LMTK2: variants seen among roughly 807,000 people sequenced by gnomAD.
LMTK2 encodes the protein lemur tail kinase 2, also known as serine/threonine-protein kinase LMTK2.
Under a neutral mutation model 127.5 loss-of-function variants are expected in LMTK2, and 37 were observed. That is an observed-to-expected ratio of 0.29 (90% CI 0.22 to 0.38). The LOEUF (loss-of-function observed/expected upper bound fraction) is 0.38, where lower values mean the gene tolerates loss of function less well. Ranked by LOEUF, LMTK2 falls within the 10% of genes least tolerant of loss-of-function variation. LMTK2 has a pLI of 1.00. For missense variants in LMTK2, 1,694 were observed against 1,920.3 expected (o/e 0.88, Z 2.20); for synonymous variants, 819 against 810.1 (o/e 1.01, Z -0.19).
intron 1 of LMTK2, among the ~76,000 whole-genome samples, chr7:98,120,457 A>T (rs553274754): frequency 6.6e-6 from 1 of 152,344 alleles, no homozygotes; most frequent in East Asian, 1.9e-4. Flanking sequence ...CATTTTGCAC[A>T]TTTAAAATAT....
rs1012335891 is a variant in LMTK2 at position 98,199,365 on chromosome 7, G to T, written c.4108-4209G>T. Among the ~76,000 whole-genome samples the T allele has an allele frequency of 3.3e-5, 5 of 152,112 alleles. No homozygotes were observed. In the South Asian group the frequency reaches 1.0e-3, roughly 32 times the overall value. Reference sequence around the variant, plus strand: ...TCTCTTTTCATTTCTGTTTATTTTCGCTTCCTGTATTTTGCAGCTCTGTTG... The same window carrying T: ...TCTCTTTTCATTTCTGTTTATTTTCTCTTCCTGTATTTTGCAGCTCTGTTG... On this transcript the variant is annotated intron_variant, in intron 11 of 13. Transcript: ENST00000297293.
chr7:98,108,043 A>G (rs1796142305), intron 1 of LMTK2, among the ~76,000 whole-genome samples: 1 of 152,178 alleles, frequency 6.6e-6, no homozygotes, highest in African/African-American at 2.4e-5. Flanking sequence ...CTAAAAAGGA[A>G]AAAAAAATCT....
chr7:98,171,455 CAGTT>C lies in LMTK2; in HGVS notation c.658-82_658-79del. The C allele has an allele frequency of 6.5e-7, 1 of 1,526,824 alleles. No homozygotes were observed. The highest frequency in any genetic ancestry group is 1.1e-5 in the South Asian group (1 of 89,296). The allele number at this position is 1,526,824 out of a possible 1,614,324, so 94.6% of individuals were successfully genotyped here. On this transcript the variant is annotated intron_variant, in intron 6 of 13. Coordinates refer to ENST00000297293, the MANE Select transcript of LMTK2 (RefSeq NM_014916.4). The surrounding 1 kb of genome is among the most constrained non-coding windows in gnomAD (Gnocchi z 5.1). ...AGAAGTTTCTAATAAATAATCTTAA[CAGTT>C]AGTGTTCACCGAGGCACGTATTTAA...
intron 6 of LMTK2, among the ~76,000 whole-genome samples, chr7:98,170,574 C>T (rs1487966368): frequency 3.3e-5 from 5 of 151,658 alleles, no homozygotes; most frequent in South Asian, 2.1e-4. Flanking sequence ...CGCCTCCAGC[C>T]GTCTTTTCTT....
At chr7:98,139,909 G>C (rs115125485) in intron 2 of LMTK2, among the ~76,000 whole-genome samples, 2,166 of 152,150 alleles carry the variant, frequency 0.014, 51 homozygotes, top group African/African-American at 0.049. Context: ...ATGGTGCCTG[G>C]AGGGCTAATA....
In LMTK2 at chr7:98,171,452, T is replaced by C. The variant is rs1445757207; in HGVS notation, c.658-89T>C. On this transcript the variant is annotated intron_variant, in intron 6 of 13. Transcript: ENST00000297293. The surrounding 1 kb of genome is among the most constrained non-coding windows in gnomAD (Gnocchi z 5.1). Reference sequence around the variant, plus strand: ...AAAAGAAGTTTCTAATAAATAATCTTAACAGTTAGTGTTCACCGAGGCACG... The same window carrying C: ...AAAAGAAGTTTCTAATAAATAATCTCAACAGTTAGTGTTCACCGAGGCACG... 3.3e-6 allele frequency: 5 copies of C among 1,526,652 alleles called. No homozygotes were observed. Among genetic ancestry groups the C allele is most frequent in the Non-Finnish European group, 4.5e-6 (5 of 1,101,648 alleles). 94.6% of individuals were successfully genotyped at this position (1,526,652 alleles called of 1,614,324 possible). A position where few individuals can be genotyped will look rare whatever the true frequency, so the allele number is the denominator to read the frequency against.
At chr7:98,200,001 A>G (rs1313178282) in intron 11 of LMTK2, among the ~76,000 whole-genome samples, 1 of 152,066 alleles carries the variant, frequency 6.6e-6, no homozygotes, top group Admixed American at 6.5e-5. Flanking sequence ...ATTTACGTAT[A>G]CCATTTTATT....
At chr7:98,174,692 C>T (rs1334939243) in intron 7 of LMTK2, among the ~76,000 whole-genome samples, 2 of 152,134 alleles carry the variant, frequency 1.3e-5, no homozygotes, top group Admixed American at 6.5e-5. Context: ...CCATTGTGTA[C>T]AAAAGAACCT....
intron 6 of LMTK2, among the ~76,000 whole-genome samples, chr7:98,169,685 C>G (rs1303148552): frequency 6.6e-6 from 1 of 152,082 alleles, no homozygotes; most frequent in African/African-American, 2.4e-5. Context: ...GCCTGTAGTC[C>G]TGGAGTTTTT....
At chr7:98,123,787 C>T (rs1796403248) in intron 1 of LMTK2, among the ~76,000 whole-genome samples, 1 of 152,058 alleles carries the variant, frequency 6.6e-6, no homozygotes, top group African/African-American at 2.4e-5. Context: ...TCTTCCTTCT[C>T]TTTGTTCTTT....
At chr7:98,118,949 A>G (rs558860387) in intron 1 of LMTK2, among the ~76,000 whole-genome samples, 32 of 152,108 alleles carry the variant, frequency 2.1e-4, no homozygotes, top group Non-Finnish European at 3.7e-4. Context: ...AAAATTAGCC[A>G]GGTGTGGTGG....
In LMTK2 at chr7:98,206,872, G is replaced by C. The variant is rs1268316665; in HGVS notation, c.*1380G>C. 6.6e-6 allele frequency: 1 copy of C among 152,300 alleles called. No individual in the cohort carries two copies. Among genetic ancestry groups the C allele is most frequent in the Non-Finnish European group, 1.5e-5 (1 of 68,128 alleles). The allele number at this position is 152,300 out of a possible 1,614,324, so 9.4% of individuals were successfully genotyped here. A position where few individuals can be genotyped will look rare whatever the true frequency, so the allele number is the denominator to read the frequency against. On this transcript the variant is annotated 3_prime_UTR_variant, in exon 14 of 14. Transcript: ENST00000297293. The stretch of plus-strand genomic sequence containing the variant: ...GACGACGGCCGACGGCAGAGCATCA[G>C]CAGCCGACACATAGTTCGGGTCGGG...
In LMTK2 at chr7:98,196,010, C is replaced by T. The variant is rs183961415; in HGVS notation, c.4107+1438C>T. ...TTCAAGACCAGCCTGGGCAACATGGCGAAACCCCATCTCTACTAAAAATAT... is the reference window on the plus strand; with the variant it reads ...TTCAAGACCAGCCTGGGCAACATGGTGAAACCCCATCTCTACTAAAAATAT... On this transcript the variant is annotated intron_variant, in intron 11 of 13. Transcript: ENST00000297293. 1.6e-4 allele frequency among the ~76,000 whole-genome samples: 24 copies of T among 152,056 alleles called. No homozygotes were observed. In the East Asian group the frequency reaches 3.9e-3, roughly 25 times the overall value.
In LMTK2 at chr7:98,187,301, T is replaced by C. The variant is rs1254043270; in HGVS notation, c.998+303T>C. On this transcript the variant is annotated intron_variant, in intron 9 of 13. Coordinates refer to ENST00000297293, the MANE Select transcript of LMTK2 (RefSeq NM_014916.4). Reference sequence around the variant, plus strand: ...GTAATAGATATTTAATATGTATTTATTGAAGTGAAAGAAGAAACTGAAAGG... The same window carrying C: ...GTAATAGATATTTAATATGTATTTACTGAAGTGAAAGAAGAAACTGAAAGG... 2.0e-5 allele frequency among the ~76,000 whole-genome samples: 3 copies of C among 152,304 alleles called. No homozygotes were observed. The East Asian group carries it at 5.8e-4, about 29-fold the overall frequency.
chr7:98,109,676 G>A (rs927539621), intron 1 of LMTK2, among the ~76,000 whole-genome samples: 1 of 150,290 alleles, frequency 6.7e-6, no homozygotes, highest in South Asian at 2.1e-4. Context: ...CCCAGGGAGC[G>A]GAGCTTACAG....
Position 98,148,505 on chromosome 7 carries a change from A to AT in LMTK2, c.377-2877_377-2876insT, listed in dbSNP as rs1554388171. 7.8e-3 allele frequency among the ~76,000 whole-genome samples: 1,098 copies of AT among 140,962 alleles called. 11 individuals carry two copies. The highest frequency in any genetic ancestry group is 0.022 in the East Asian group (110 of 4,894). 92.5% of individuals were successfully genotyped at this position (140,962 alleles called of 152,430 possible). On this transcript the variant is annotated intron_variant, in intron 3 of 13. Transcript: ENST00000297293. ...GAGACTCCGTCTCAAAAAAAAAAAA[A>AT]AATAATAATAATAATAATAAATAAA... is the stretch of plus-strand genomic sequence containing the variant.
intron 2 of LMTK2, among the ~76,000 whole-genome samples, 192 bp from the exon 3 acceptor site, chr7:98,141,205 A>G (rs557316382): frequency 2.4e-4 from 36 of 152,018 alleles, no homozygotes; most frequent in African/African-American, 8.7e-4. Context: ...TGAAATATGT[A>G]TAATTTATTT....
chr7:98,157,908 C>T (rs937007166), intron 5 of LMTK2, among the ~76,000 whole-genome samples: 2 of 152,124 alleles, frequency 1.3e-5, no homozygotes, highest in Non-Finnish European at 2.9e-5. Context: ...CATCTGTGCA[C>T]GTGCAGACCT....
chr7:98,177,241 G>A (rs1797291270), intron 7 of LMTK2, among the ~76,000 whole-genome samples: 2 of 152,158 alleles, frequency 1.3e-5, no homozygotes. Context: ...CTCTGTACAG[G>A]TGTAATTATG....
Sources: allele counts gnomAD v4.1 joint callset (sites outside exome capture counted in the v4.1 genomes callset), GRCh38; gene constraint gnomAD v4.1.1; non-coding constraint Gnocchi (gnomAD v3.1); transcripts MANE v1.5; gene names NCBI Gene and HGNC (gene_info 2026-07-23, HGNC 2026-07-21).